The following TMEM92 variants were observed in gnomAD, a reference collection of about 807,000 sequenced individuals.
TMEM92 encodes the protein transmembrane protein 92.
A neutral mutation model predicts 14.6 loss-of-function variants in TMEM92; 15 were observed. The observed-to-expected ratio is 1.03, with a 90% CI of 0.69 to 1.58. The LOEUF is 1.58. Ranked by LOEUF, TMEM92 falls within the 40% of genes most tolerant of loss-of-function variation. The pLI is 0.00. For synonymous variants in TMEM92, 85 were observed against 83.3 expected (o/e 1.02, Z -0.11); for missense variants, 174 against 202.4 (o/e 0.86, Z 0.85).
Position 50,274,550 on chromosome 17 carries a change from C to T in TMEM92, c.49C>T (p.Leu17=). Residue 17 remains leucine (L), a synonymous_variant, in exon 1 of 5, where the codon CTG becomes TTG. Coordinates refer to ENST00000507382, the MANE Select transcript of TMEM92 (RefSeq NM_153229.3). ...PGLAPTLLFS[L]LAGPQKIAAK... ...CCTCGCGCCCACCTTGCTGTTCAGC[C>T]TGCTGGCTGGCCCCCAAAAGGTGAG... The T allele has an allele frequency of 1.2e-5, 20 of 1,613,922 alleles. No individual in the cohort carries two copies. The highest frequency in any genetic ancestry group is 1.6e-5 in the Non-Finnish European group (19 of 1,179,914).
rs1397250951 is a variant in TMEM92 at position 50,280,752 on chromosome 17, A to G, written c.*1444A>G. ...CAGCTTGATGGCACAGGCAGCCCCA[A>G]AGATGCCAGGAACAGGGACTGTCCG... On this transcript the variant is annotated 3_prime_UTR_variant, in exon 5 of 5. Transcript: ENST00000507382. The G allele has an allele frequency of 6.6e-6, 1 of 152,580 alleles. No homozygotes were observed. The allele number at this position is 152,580 out of a possible 1,614,324, so 9.5% of individuals were successfully genotyped here.
At position 50,278,700 on chromosome 17, in the gene TMEM92, C is replaced by T. The variant is rs576624732; in HGVS notation, c.170+70C>T. ...CTGGTCCTGTGTGGACAAGGCCAGG[C>T]ACCTGCCGAGGGGGCAGTGTGGGCG... is the stretch of plus-strand genomic sequence containing the variant. On this transcript the variant is annotated intron_variant, in intron 3 of 4. Coordinates refer to ENST00000507382, the MANE Select transcript of TMEM92 (RefSeq NM_153229.3). 101 of 1,585,536 alleles carry T rather than the reference C, an allele frequency of 6.4e-5. No homozygotes were observed. In the African/African-American group the frequency reaches 1.3e-3, roughly 20 times the overall value.
At chr17:50,279,085 G>C in intron 4 of TMEM92, 89 bp downstream of exon 4, 1 of 1,417,724 alleles carries the variant, frequency 7.1e-7, no homozygotes, top group East Asian at 2.3e-5. Context: ...AGGGCACTCT[G>C]CACCCAGCAT....
At chr17:50,277,629 G>T in intron 1 of TMEM92, 86 bp from the exon 2 acceptor site, 2 of 1,517,126 alleles carry the variant, frequency 1.3e-6, no homozygotes, top group East Asian at 2.3e-5. Flanking sequence ...TGCCTGTGAG[G>T]TACCTGGGCA....
chr17:50,278,791 C>T lies in TMEM92; in HGVS notation c.171-10C>T, dbSNP rs1375368356. The T allele has an allele frequency of 1.9e-6, 3 of 1,600,756 alleles. No individual in the cohort carries two copies. Among genetic ancestry groups the T allele is most frequent in the Admixed American group, 3.5e-5 (2 of 57,568 alleles). ...GGGACTCAGGGTACTCTTGGTGGTC[C>T]CCACCCCAGGATCTTCGTCATCATC... On this transcript the variant is annotated splice_polypyrimidine_tract_variant and intron_variant, in intron 3 of 4. Transcript: ENST00000507382.
At position 50,279,446 on chromosome 17, in the gene TMEM92, A is replaced by C; in HGVS notation, c.*138A>C. The C allele has an allele frequency of 1.4e-6, 1 of 732,246 alleles. No homozygotes were observed. The highest frequency in any genetic ancestry group is 2.3e-6 in the Non-Finnish European group (1 of 434,860). The allele number at this position is 732,246 out of a possible 1,614,324, so 45.4% of individuals were successfully genotyped here. A position where few individuals can be genotyped will look rare whatever the true frequency, so the allele number is the denominator to read the frequency against. On this transcript the variant is annotated 3_prime_UTR_variant, in exon 5 of 5. Transcript: ENST00000507382. Reference sequence around the variant, plus strand: ...TGTTCATTCTTGGATTTAACTTATTACTTTTTCTGCTTCTGTTTCCACCCC... The same window carrying C: ...TGTTCATTCTTGGATTTAACTTATTCCTTTTTCTGCTTCTGTTTCCACCCC...
rs572072891 is a variant in TMEM92 at position 50,277,568 on chromosome 17, G to A, written c.70-147G>A. 4 of 876,422 alleles carry A rather than the reference G, an allele frequency of 4.6e-6. No individual in the cohort carries two copies. In the Admixed American group the frequency reaches 6.2e-5, roughly 14 times the overall value. 54.3% of individuals were successfully genotyped at this position (876,422 alleles called of 1,614,324 possible). On this transcript the variant is annotated intron_variant, in intron 1 of 4. Transcript: ENST00000507382. ...AGCACTGACCTGGGAACACGGTGGA[G>A]TGAGGTGGGGGGTGGCTTGCAGGAA...
upstream of TMEM92, among the ~76,000 whole-genome samples, chr17:50,273,829 G>A (rs1444198494): frequency 6.6e-6 from 1 of 152,064 alleles, no homozygotes; most frequent in African/African-American, 2.4e-5. Context: ...AGATAAGAAG[G>A]GGCTTCCACG....
chr17:50,274,419 G>A, upstream of TMEM92: 4 of 1,492,962 alleles, frequency 2.7e-6, no homozygotes, highest in Non-Finnish European at 3.7e-6. Flanking sequence ...ATCCCGAGGC[G>A]GGGCCCCATA....
chr17:50,274,580 G>A lies in TMEM92; in HGVS notation c.69+10G>A, dbSNP rs771325692. 3.7e-6 allele frequency: 6 copies of A among 1,612,226 alleles called. No individual in the cohort carries two copies. The highest frequency in any genetic ancestry group is 1.1e-5 in the South Asian group (1 of 90,748). On this transcript the variant is annotated intron_variant, in intron 1 of 4. Transcript: ENST00000507382. ...GGCTGGCCCCCAAAAGGTGAGACTG[G>A]GAGGTAAGGTTGTTGAACTTTTGGG...
upstream of TMEM92, among the ~76,000 whole-genome samples, chr17:50,272,313 G>T (rs141591158): frequency 5.9e-5 from 9 of 151,940 alleles, no homozygotes; most frequent in African/African-American, 1.9e-4. Context: ...ACCCCGCAGG[G>T]TATCTTCCTC....
Position 50,279,630 on chromosome 17 carries a change from T to G in TMEM92, c.*322T>G. The G allele has an allele frequency of 3.0e-6, 1 of 332,604 alleles. No homozygotes were observed. The highest frequency in any genetic ancestry group is 5.6e-6 in the Non-Finnish European group (1 of 177,414). 20.6% of individuals were successfully genotyped at this position (332,604 alleles called of 1,614,324 possible). A position where few individuals can be genotyped will look rare whatever the true frequency, so the allele number is the denominator to read the frequency against. The stretch of plus-strand genomic sequence containing the variant: ...GTAGTAAGAGCCCCATTTCTGGAGG[T>G]ATGCAAATCTTGACTGGACAGCCAG... On this transcript the variant is annotated 3_prime_UTR_variant, in exon 5 of 5. Transcript: ENST00000507382.
rs1910566548 is a variant in TMEM92, at chr17:50,280,028, T to G, written c.*720T>G. 1 of 152,298 alleles carries G rather than the reference T, an allele frequency of 6.6e-6. No individual in the cohort carries two copies. Among genetic ancestry groups the G allele is most frequent in the South Asian group, 2.1e-4 (1 of 4,838 alleles). 9.4% of individuals were successfully genotyped at this position (152,298 alleles called of 1,614,324 possible). A position where few individuals can be genotyped will look rare whatever the true frequency, so the allele number is the denominator to read the frequency against. ...TGATGTCTCTGTGTGCCAAACAGCC[T>G]GGAAATGGGGTACGCGTGTCCCTTG... On this transcript the variant is annotated 3_prime_UTR_variant, in exon 5 of 5. Transcript: ENST00000507382.
chr17:50,279,322 T>G lies in TMEM92; in HGVS notation c.*14T>G. On this transcript the variant is annotated 3_prime_UTR_variant, in exon 5 of 5. Coordinates refer to ENST00000507382, the MANE Select transcript of TMEM92 (RefSeq NM_153229.3). ...CCGGCCTTCTGAGTCACCTCCTGCC[T>G]GGAATCTTGCCATCAGCAACCTCCT... is the stretch of plus-strand genomic sequence containing the variant. The G allele has an allele frequency of 2.5e-6, 4 of 1,610,716 alleles. No homozygotes were observed. The highest frequency in any genetic ancestry group is 3.4e-6 in the Non-Finnish European group (4 of 1,177,116).
intron 2 of TMEM92, among the ~76,000 whole-genome samples, chr17:50,278,130 T>C (rs140627971): frequency 1.1e-3 from 163 of 152,290 alleles, no homozygotes; most frequent in Non-Finnish European, 2.1e-4. Flanking sequence ...AGGTCAGCCC[T>C]GGGTGTTCTG....
chr17:50,273,954 T>G (rs972341742), upstream of TMEM92, among the ~76,000 whole-genome samples: 1 of 148,790 alleles, frequency 6.7e-6, no homozygotes, highest in African/African-American at 2.4e-5. Flanking sequence ...TGATCCCACC[T>G]CTTTTTAAAT....
upstream of TMEM92, among the ~76,000 whole-genome samples, chr17:50,273,801 C>A (rs1910328672): frequency 6.6e-6 from 1 of 152,116 alleles, no homozygotes; most frequent in Non-Finnish European, 1.5e-5. Context: ...TTTGACTTCT[C>A]ACCAGACCCA....
intron 1 of TMEM92, among the ~76,000 whole-genome samples, chr17:50,275,429 C>T (rs992380726): frequency 2.6e-5 from 4 of 152,056 alleles, no homozygotes; most frequent in Non-Finnish European, 4.4e-5. Flanking sequence ...AATCACTGGG[C>T]GGTCAGTTTG....
intron 1 of TMEM92, among the ~76,000 whole-genome samples, chr17:50,275,441 G>A (rs1910398883): frequency 6.6e-6 from 1 of 152,068 alleles, no homozygotes; most frequent in South Asian, 2.1e-4. Flanking sequence ...GTCAGTTTGT[G>A]TCAATGCTGG....
Sources: allele counts gnomAD v4.1 joint callset (sites outside exome capture counted in the v4.1 genomes callset), GRCh38; gene constraint gnomAD v4.1.1; transcripts MANE v1.5; gene names NCBI Gene and HGNC (gene_info 2026-07-23, HGNC 2026-07-21).